The following LARP1B variants were observed in gnomAD, a reference collection of about 807,000 sequenced individuals.
The protein encoded by LARP1B is la-related protein 1B.
A neutral mutation model predicts 114.2 loss-of-function variants in LARP1B; 76 were observed. The observed-to-expected ratio is 0.67, with a 90% CI of 0.55 to 0.81. The LOEUF is 0.81. LARP1B is among the 30% of genes least tolerant of loss of function. LARP1B has a pLI of 0.00. For synonymous variants in LARP1B, 345 were observed against 348.0 expected, an observed-to-expected ratio of 0.99 and a Z score of 0.10; for missense variants, 1,014 against 1,075.8, an observed-to-expected ratio of 0.94 and a Z score of 0.80.
intron 15 of LARP1B, among the ~76,000 whole-genome samples, chr4:128,180,916 C>T (rs1748103980): frequency 6.6e-6 from 1 of 152,300 alleles, no homozygotes; most frequent in Admixed American, 6.5e-5. Context: ...GTTTTGAAGT[C>T]AGCCTTGTCT....
chr4:128,127,783 G>A (rs531809808), intron 11 of LARP1B, among the ~76,000 whole-genome samples: 1 of 152,276 alleles, frequency 6.6e-6, no homozygotes, highest in East Asian at 1.9e-4. Context: ...GCAGTGAGCC[G>A]AAATTGCGCC....
At position 128,203,426 on chromosome 4, in the gene LARP1B, T is replaced by A. The variant is rs184120255; in HGVS notation, c.2309+2761T>A. ...AGTCACACTGTTGCCTAGGCTGGAG[T>A]GCAGTGTCGCGATCTCGGCTCACTG... On this transcript the variant is annotated intron_variant, in intron 17 of 19. Coordinates refer to ENST00000326639, the MANE Select transcript of LARP1B (RefSeq NM_018078.4). Among the ~76,000 whole-genome samples, 4 of 147,994 alleles carry A rather than the reference T, an allele frequency of 2.7e-5. No homozygotes were observed. In the East Asian group the frequency reaches 8.3e-4, roughly 31 times the overall value.
At chr4:128,102,733 C>T (rs971306165) in intron 8 of LARP1B, among the ~76,000 whole-genome samples, 1 of 152,120 alleles carries the variant, frequency 6.6e-6, no homozygotes, top group African/African-American at 2.4e-5. Flanking sequence ...TATAGCTTAC[C>T]AGTTGTATAA....
intron 1 of LARP1B, chr4:128,061,653 C>G (rs1010773813): frequency 1.0e-6 from 1 of 984,026 alleles, no homozygotes; most frequent in Non-Finnish European, 1.2e-6. Flanking sequence ...GTTCCCTGGC[C>G]TCGGGGCCAC....
At chr4:128,065,304 T>TC in intron 1 of LARP1B, among the ~76,000 whole-genome samples, 5 of 113,228 alleles carry the variant, frequency 4.4e-5, no homozygotes, top group African/African-American at 1.3e-4. Flanking sequence ...TTTCTTTCTT[T>TC]CTTTCTTTCT....
intron 7 of LARP1B, among the ~76,000 whole-genome samples, chr4:128,091,786 C>T (rs984778734): frequency 2.0e-5 from 3 of 151,910 alleles, no homozygotes; most frequent in African/African-American, 4.8e-5. Flanking sequence ...TGGTAGAGAA[C>T]GGGTTTTGCC....
intron 12 of LARP1B, among the ~76,000 whole-genome samples, chr4:128,166,708 T>C (rs1740982372): frequency 1.3e-5 from 2 of 151,594 alleles, no homozygotes; most frequent in Non-Finnish European, 3.0e-5. Flanking sequence ...TGGTATTTTT[T>C]TACCTACATC....
At chr4:128,112,180 G>A (rs2149864417) in intron 9 of LARP1B, among the ~76,000 whole-genome samples, 1 of 152,126 alleles carries the variant, frequency 6.6e-6, no homozygotes, top group Middle Eastern at 3.4e-3. Flanking sequence ...GAGCACCACT[G>A]TCCAATAAAA....
intron 8 of LARP1B, among the ~76,000 whole-genome samples, chr4:128,103,537 A>G (rs532760649): frequency 2.0e-5 from 3 of 151,106 alleles, no homozygotes; most frequent in East Asian, 1.9e-4. Flanking sequence ...CTTACTACAT[A>G]CAATGTTTGT....
chr4:128,133,857 C>T (rs1164024886), intron 11 of LARP1B, among the ~76,000 whole-genome samples: 5 of 151,902 alleles, frequency 3.3e-5, no homozygotes, highest in Non-Finnish European at 7.4e-5. Context: ...CCACCATGCC[C>T]GACCATTGTT....
At chr4:128,114,949 T>A (rs972712482) in intron 10 of LARP1B, among the ~76,000 whole-genome samples, 2 of 152,192 alleles carry the variant, frequency 1.3e-5, no homozygotes, top group East Asian at 3.8e-4. Flanking sequence ...TTTATTTTTT[T>A]TTTTTTGAGA....
rs1233209485 is a variant in LARP1B, at chr4:128,199,510, C to T, written c.2075C>T (p.Pro692Leu). The T allele has an allele frequency of 1.2e-6, 2 of 1,604,664 alleles. No individual in the cohort carries two copies. The highest frequency in any genetic ancestry group is 1.7e-6 in the Non-Finnish European group (2 of 1,174,746). The change falls in exon 16 of 20, where the codon CCA becomes CTA. Residue 692 changes from proline to leucine, a missense_variant. Coordinates refer to ENST00000326639, the MANE Select transcript of LARP1B (RefSeq NM_018078.4). ...TATGGATGTACTCCTCATTCATTCC[C>T]AAAGTTCCAGCATCCTTCTCATGAA... is the stretch of plus-strand genomic sequence containing the variant. ...GSYGCTPHSF[P>L]KFQHPSHELL...
exon 8 of LARP1B, chr4:128,222,493 A>G (rs1760099187): frequency 5.1e-6 from 2 of 392,904 alleles, no homozygotes; most frequent in African/African-American, 2.1e-5. Context: ...TCCAAGTTTG[A>G]CTTGCATCTT....
intron 5 of LARP1B, among the ~76,000 whole-genome samples, 188 bp from the exon 6 acceptor site, chr4:128,090,813 G>C (rs1775641114): frequency 6.6e-6 from 1 of 152,054 alleles, no homozygotes. Flanking sequence ...TTTAGGCTCT[G>C]TTTTATGCTA....
At chr4:128,102,988 A>G (rs1403734810) in intron 8 of LARP1B, among the ~76,000 whole-genome samples, 1 of 152,104 alleles carries the variant, frequency 6.6e-6, no homozygotes, top group African/African-American at 2.4e-5. Flanking sequence ...TTCTCTTACT[A>G]CCAGGCAGTA....
intron 11 of LARP1B, among the ~76,000 whole-genome samples, chr4:128,128,002 A>C (rs1482153359): frequency 6.6e-6 from 1 of 152,218 alleles, no homozygotes; most frequent in East Asian, 1.9e-4. Flanking sequence ...ACTTTGCAAC[A>C]AATGTGCCTA....
intron 11 of LARP1B, among the ~76,000 whole-genome samples, chr4:128,159,386 C>T (rs1182972340): frequency 6.6e-6 from 1 of 152,112 alleles, no homozygotes; most frequent in African/African-American, 2.4e-5. Context: ...ACCCACCTGC[C>T]TCACCTCCAC....
At chr4:128,151,523 G>T (rs900519845) in intron 11 of LARP1B, among the ~76,000 whole-genome samples, 1 of 151,332 alleles carries the variant, frequency 6.6e-6, no homozygotes, top group African/African-American at 2.4e-5. Context: ...TCATGACATT[G>T]ATGTTTTTCA....
At chr4:128,076,451 T>C (rs754985526) in intron 3 of LARP1B, among the ~76,000 whole-genome samples, 8 of 152,208 alleles carry the variant, frequency 5.3e-5, no homozygotes, top group Non-Finnish European at 8.8e-5. Flanking sequence ...GTGTCAGCAG[T>C]TCATTCTTTT....
Sources: gnomAD v4.1 joint callset for allele counts (sites outside exome capture counted in the v4.1 genomes callset) on GRCh38, gnomAD v4.1.1 for gene constraint, MANE v1.5 for transcripts, NCBI Gene and HGNC (gene_info 2026-07-23, HGNC 2026-07-21) for gene names.